ZFHX4: variants seen among roughly 807,000 people sequenced by gnomAD.
ZFHX4 encodes the protein zinc finger homeobox 4, also known as zinc finger homeobox protein 4.
A neutral mutation model predicts 267.6 loss-of-function variants in ZFHX4; 56 were observed. That is an observed-to-expected ratio of 0.21 (90% CI 0.17 to 0.26). ZFHX4 has a LOEUF of 0.26. Ranked by LOEUF, ZFHX4 falls within the 10% of genes least tolerant of loss-of-function variation. ZFHX4 has a pLI of 1.00. For synonymous variants in ZFHX4, 1,778 were observed against 1,665.6 expected (o/e 1.07, Z -1.64); for missense variants, 4,332 against 4,420.0 (o/e 0.98, Z 0.56).
chr8:76,854,635 A>G lies in ZFHX4; in HGVS notation c.7714A>G (p.Thr2572Ala). The stretch of plus-strand genomic sequence containing the variant: ...CAGTTCCTCCCACACCACAGCCCCC[A>G]CAACGGTTGCTGCTTCCCTAAAAAG... Reference protein sequence around the residue: ...QASSSHTTAPTTVAASLKRKL... With the variant: ...QASSSHTTAPATVAASLKRKL... The change falls in exon 10 of 11, where the codon ACA becomes GCA. Residue 2572 changes from threonine (T) to alanine (A), a missense_variant. Thr to Ala is a moderately conservative substitution (Grantham distance 58). Coordinates refer to ENST00000651372, the MANE Select transcript of ZFHX4 (RefSeq NM_024721.5). 1 of 1,613,764 alleles carries G rather than the reference A, an allele frequency of 6.2e-7. No individual in the cohort carries two copies. The highest frequency in any genetic ancestry group is 8.5e-7 in the Non-Finnish European group (1 of 1,179,852).
At chr8:76,815,017 G>A (rs903531680) in intron 4 of ZFHX4, among the ~76,000 whole-genome samples, 1 of 152,086 alleles carries the variant, frequency 6.6e-6, no homozygotes, top group Non-Finnish European at 1.5e-5. Flanking sequence ...TCCTTTAGAA[G>A]AAAGGAAAGG....
chr8:76,750,491 C>T (rs1318833480), intron 3 of ZFHX4, among the ~76,000 whole-genome samples: 2 of 151,956 alleles, frequency 1.3e-5, no homozygotes, highest in Admixed American at 6.6e-5. Context: ...CTCAGAATAA[C>T]CATACAAGGA....
chr8:76,761,626 A>G (rs1022293137), intron 3 of ZFHX4, among the ~76,000 whole-genome samples: 12 of 152,164 alleles, frequency 7.9e-5, no homozygotes, highest in African/African-American at 2.9e-4. Flanking sequence ...AGATCCTTGG[A>G]CCTCATAGAG....
chr8:76,787,723 G>A (rs947730774), intron 4 of ZFHX4, among the ~76,000 whole-genome samples: 2 of 151,538 alleles, frequency 1.3e-5, no homozygotes, highest in African/African-American at 4.9e-5. Context: ...TGAGGCAGGA[G>A]AATGGCGTGA....
chr8:76,854,253 C>A lies in ZFHX4; in HGVS notation c.7332C>A (p.Ala2444=). Residue 2444 remains alanine, a synonymous_variant, in exon 10 of 11, where the codon GCC becomes GCA. Transcript: ENST00000651372. ...TSSDPPQAST[A]QPQPQPQPPK... ...CGGACCCACCACAGGCATCCACAGC[C>A]CAGCCACAGCCACAGCCACAGCCAC... 1 of 1,575,142 alleles carries A rather than the reference C, an allele frequency of 6.3e-7. No individual in the cohort carries two copies. The highest frequency in any genetic ancestry group is 8.6e-7 in the Non-Finnish European group (1 of 1,160,532).
intron 4 of ZFHX4, among the ~76,000 whole-genome samples, chr8:76,802,726 C>T (rs751655803): frequency 1.3e-5 from 2 of 152,090 alleles, no homozygotes; most frequent in Non-Finnish European, 2.9e-5. Flanking sequence ...ACACAGAAGG[C>T]TTTTGCAGTA....
At chr8:76,732,398 T>C (rs1353613752) in intron 3 of ZFHX4, among the ~76,000 whole-genome samples, 1 of 152,066 alleles carries the variant, frequency 6.6e-6, no homozygotes, top group Non-Finnish European at 1.5e-5. Flanking sequence ...AGGAGTATAG[T>C]TGTTAAATTA....
chr8:76,746,492 C>T (rs1420788727), intron 3 of ZFHX4, among the ~76,000 whole-genome samples: 1 of 151,942 alleles, frequency 6.6e-6, no homozygotes, highest in Non-Finnish European at 1.5e-5. Context: ...CAGGATTCAC[C>T]CCGGTGATCA....
rs1563571130 is a variant in ZFHX4, at chr8:76,863,701, C to A, written c.9987C>A (p.Ser3329=). The A allele has an allele frequency of 6.3e-7, 1 of 1,578,752 alleles. No individual in the cohort carries two copies. Among genetic ancestry groups the A allele is most frequent in the Non-Finnish European group, 8.6e-7 (1 of 1,161,752 alleles). The change falls in exon 11 of 11, where the codon TCC becomes TCA. Residue 3329 remains serine, a synonymous_variant. Transcript: ENST00000651372. The part of the protein sequence containing the change: ...YQQYQQNLQE[S]LQKQQKQQQE... ...AGTATCAGCAGAACCTGCAGGAGTC[C>A]CTGCAAAAGCAGCAAAAGCAACAGC...
intron 3 of ZFHX4, among the ~76,000 whole-genome samples, chr8:76,712,638 C>T (rs569750991): frequency 2.0e-5 from 3 of 152,168 alleles, no homozygotes; most frequent in African/African-American, 7.2e-5. Flanking sequence ...GTGTGTGTAT[C>T]TAAGAAACCA....
Position 76,855,004 on chromosome 8 carries a change from C to T in ZFHX4, c.8083C>T (p.Arg2695Cys), listed in dbSNP as rs546309556. The change falls in exon 10 of 11, where the codon CGC becomes TGC. Residue 2695 changes from arginine to cysteine, a missense_variant. Transcript: ENST00000651372. Reference sequence around the variant, plus strand: ...AAAGTCGGCCTTAGAAAGCCACATTCGCTCTCGGCACTGGAATGAAGGAAA... The same window carrying T: ...AAAGTCGGCCTTAGAAAGCCACATTTGCTCTCGGCACTGGAATGAAGGAAA... ...KAKSALESHIRSRHWNEGKQA... is the reference protein window; with the variant it reads ...KAKSALESHICSRHWNEGKQA... 39 of 1,613,952 alleles carry T rather than the reference C, an allele frequency of 2.4e-5. No homozygotes were observed. Among genetic ancestry groups the T allele is most frequent in the Middle Eastern group, 3.3e-4 (2 of 6,062 alleles).
rs753591562 is a variant in ZFHX4 at position 76,855,698 on chromosome 8, G to C, written c.8777G>C (p.Arg2926Pro). The C allele has an allele frequency of 6.2e-7, 1 of 1,613,786 alleles. No individual in the cohort carries two copies. Among genetic ancestry groups the C allele is most frequent in the East Asian group, 2.2e-5 (1 of 44,826 alleles). The change falls in exon 10 of 11, where the codon CGG (arginine) becomes CCG (proline). Residue 2926 changes from arginine (R) to proline (P), a missense_variant. Physicochemically the swap from Arg to Pro is moderately radical, Grantham distance 103. This residue lies in a region of ZFHX4 where 1,648 missense variants were observed against 1,625.0 expected (regional missense o/e 1.01). Transcript: ENST00000651372. ...CCCTTTAAATCCAAAAGTAATGATC[G>C]GCCGGGTCACAAGCGTTTTCGAACG... is the stretch of plus-strand genomic sequence containing the variant. ...SNPFKSKSND[R>P]PGHKRFRTQM...
At chr8:76,785,478 C>A (rs78639339) in intron 4 of ZFHX4, among the ~76,000 whole-genome samples, 1,545 of 152,078 alleles carry the variant, frequency 0.01, 25 homozygotes, top group African/African-American at 0.034. Flanking sequence ...GGAAAAAAAA[C>A]CTATTTTTAG....
chr8:76,754,500 A>C (rs1230618818), intron 3 of ZFHX4, among the ~76,000 whole-genome samples: 1 of 151,900 alleles, frequency 6.6e-6, no homozygotes, highest in African/African-American at 2.4e-5. Flanking sequence ...AAAAAACAAA[A>C]CAAAAAACAA....
At chr8:76,756,688 A>G (rs1182047915) in intron 3 of ZFHX4, among the ~76,000 whole-genome samples, 1 of 152,084 alleles carries the variant, frequency 6.6e-6, no homozygotes, top group Non-Finnish European at 1.5e-5. Flanking sequence ...ATTAGAATCT[A>G]TGTTACTATA....
intron 3 of ZFHX4, among the ~76,000 whole-genome samples, chr8:76,763,385 G>A (rs1585920138): frequency 6.6e-6 from 1 of 152,208 alleles, no homozygotes. Flanking sequence ...CACTTTGGGA[G>A]GCTGAGGTGA....
At chr8:76,823,708 T>A (rs183331306) in intron 4 of ZFHX4, among the ~76,000 whole-genome samples, 24 of 152,340 alleles carry the variant, frequency 1.6e-4, no homozygotes, top group Non-Finnish European at 3.1e-4. Flanking sequence ...GAAACTTTAC[T>A]GCATCTTAGG....
intron 2 of ZFHX4, 36 bp downstream of exon 2, chr8:76,706,714 T>G (rs1808286208): frequency 1.3e-6 from 2 of 1,491,830 alleles, no homozygotes; most frequent in South Asian, 2.8e-5. Context: ...TGTTGTTAGT[T>G]TCTAATCACA....
intron 1 of ZFHX4, among the ~76,000 whole-genome samples, chr8:76,693,925 C>A (rs964289723): frequency 6.6e-6 from 1 of 152,180 alleles, no homozygotes; most frequent in South Asian, 2.1e-4. Context: ...AAACCTTACA[C>A]GAGCACTTGG....
Sources: allele counts gnomAD v4.1 joint callset (sites outside exome capture counted in the v4.1 genomes callset), GRCh38; gene constraint gnomAD v4.1.1; regional missense constraint gnomAD v4.1.1; transcripts MANE v1.5; gene names NCBI Gene and HGNC (gene_info 2026-07-23, HGNC 2026-07-21).